DLGAP2: variants seen among roughly 807,000 people sequenced by gnomAD.
DLGAP2 encodes the protein disks large-associated protein 2.
DLGAP2 carries 26 observed loss-of-function variants against 100.3 expected under a neutral mutation model. The ratio of observed to expected loss-of-function variants is 0.26; its 90% CI spans 0.19 to 0.36. The LOEUF (loss-of-function observed/expected upper bound fraction) is 0.36. Ranked by LOEUF, DLGAP2 falls within the 10% of genes least tolerant of loss-of-function variation. DLGAP2 has a pLI of 1.00. For missense variants in DLGAP2, 1,858 were observed against 1,453.2 expected (o/e 1.28, Z -4.53); for synonymous variants, 886 against 630.1 (o/e 1.41, Z -6.08).
chr8:1,542,345 C>G (rs150936232), intron 4 of DLGAP2, among the ~76,000 whole-genome samples: 2 of 152,330 alleles, frequency 1.3e-5, no homozygotes, highest in African/African-American at 4.8e-5. Flanking sequence ...TCGCTCTAAT[C>G]AATTTAAAAC....
At chr8:1,391,374 C>G (rs1008254657) in intron 3 of DLGAP2, among the ~76,000 whole-genome samples, 3 of 152,184 alleles carry the variant, frequency 2.0e-5, no homozygotes, top group Admixed American at 2.0e-4. Flanking sequence ...ATTCAGAGGC[C>G]AGATCGGATC....
At chr8:853,982 C>G (rs972907011) in intron 1 of DLGAP2, among the ~76,000 whole-genome samples, 17 of 151,988 alleles carry the variant, frequency 1.1e-4, no homozygotes, top group African/African-American at 4.1e-4. Context: ...TGAGAGAGCT[C>G]CCTGCACCTC....
intron 2 of DLGAP2, among the ~76,000 whole-genome samples, chr8:1,255,008 T>TGTGTGTGTCCTCTCATCCTGCCC (rs1563043352): frequency 5.9e-5 from 2 of 33,928 alleles, no homozygotes; most frequent in African/African-American, 2.7e-4. Flanking sequence ...TCATCCTGCT[T>TGTGTGTGTCCTCTCATCCTGCCC]GGGCGCTGTG....
At chr8:1,390,023 G>A (rs1270579352) in intron 3 of DLGAP2, among the ~76,000 whole-genome samples, 23 of 152,160 alleles carry the variant, frequency 1.5e-4, no homozygotes, top group Admixed American at 1.5e-3. Context: ...CTGGATGGAT[G>A]TTGCCTGGAA....
chr8:1,261,786 T>C (rs973690154), intron 3 of DLGAP2, among the ~76,000 whole-genome samples: 1 of 152,350 alleles, frequency 6.6e-6, no homozygotes, highest in African/African-American at 2.4e-5. Flanking sequence ...AAGTAATTAG[T>C]CTAAGTGAGA....
At chr8:1,583,633 G>A (rs6993774) in intron 6 of DLGAP2, among the ~76,000 whole-genome samples, 86,815 of 151,946 alleles carry the variant, frequency 0.57, 25,675 homozygotes, top group African/African-American at 0.74. Context: ...AAGCCCAGCA[G>A]TCCTGACGTT....
At chr8:1,174,258 CCATCACCACCATCACCACCAT>C (rs1797201191) in intron 2 of DLGAP2, among the ~76,000 whole-genome samples, 1 of 151,910 alleles carries the variant, frequency 6.6e-6, no homozygotes, top group African/African-American at 2.4e-5. Context: ...ACCCACATAC[CCATCACCACCATCACCACCAT>C]CATCACCACC....
At chr8:1,209,943 A>C (rs796083781) in intron 2 of DLGAP2, among the ~76,000 whole-genome samples, 1 of 152,076 alleles carries the variant, frequency 6.6e-6, no homozygotes, top group East Asian at 1.9e-4. Flanking sequence ...ACCACTTTCA[A>C]CTGGAGAAAT....
chr8:1,258,155 A>T (rs190129827), intron 2 of DLGAP2, among the ~76,000 whole-genome samples: 3 of 152,326 alleles, frequency 2.0e-5, no homozygotes, highest in East Asian at 3.9e-4. Context: ...TTTTCCTGAA[A>T]GATAATACAG....
intron 2 of DLGAP2, among the ~76,000 whole-genome samples, chr8:1,221,288 T>C (rs1798309638): frequency 6.6e-6 from 1 of 152,198 alleles, no homozygotes; most frequent in African/African-American, 2.4e-5. Context: ...CGAAGGCAGG[T>C]CTGGTGCTAA....
intron 2 of DLGAP2, among the ~76,000 whole-genome samples, chr8:1,225,472 G>C (rs1798395156): frequency 6.6e-6 from 1 of 152,168 alleles, no homozygotes; most frequent in South Asian, 2.1e-4. Flanking sequence ...GTTTCCTTTT[G>C]GACTGATGAA....
At chr8:813,265 G>GA (rs573237600) in intron 1 of DLGAP2, among the ~76,000 whole-genome samples, 106 of 144,634 alleles carry the variant, frequency 7.3e-4, no homozygotes, top group African/African-American at 1.7e-3. Flanking sequence ...TTTTCAAAAC[G>GA]AAAAAAAAAC....
chr8:1,204,604 G>A (rs1797950878), intron 2 of DLGAP2, among the ~76,000 whole-genome samples: 1 of 152,194 alleles, frequency 6.6e-6, no homozygotes, highest in Non-Finnish European at 1.5e-5. Flanking sequence ...TTTGAGGCCT[G>A]AAGGACAGGA....
At chr8:1,457,556 C>A (rs777694674) in intron 3 of DLGAP2, among the ~76,000 whole-genome samples, 1 of 152,206 alleles carries the variant, frequency 6.6e-6, no homozygotes, top group Non-Finnish European at 1.5e-5. Flanking sequence ...AACTTTAATT[C>A]TGATAAGACA....
intron 13 of DLGAP2, among the ~76,000 whole-genome samples, chr8:1,695,602 C>G (rs952349971): frequency 6.6e-6 from 1 of 151,892 alleles, no homozygotes; most frequent in African/African-American, 2.4e-5. Context: ...TTGCCCGGCC[C>G]TACAGAAAGA....
intron 6 of DLGAP2, among the ~76,000 whole-genome samples, chr8:1,583,236 C>G (rs1039103077): frequency 1.6e-4 from 24 of 152,214 alleles, no homozygotes; most frequent in African/African-American, 5.8e-4. Flanking sequence ...CAAGCCTCTT[C>G]TCCCTCCCAT....
intron 6 of DLGAP2, among the ~76,000 whole-genome samples, chr8:1,599,362 G>A (rs1287101143): frequency 6.6e-6 from 1 of 152,218 alleles, no homozygotes; most frequent in Non-Finnish European, 1.5e-5. Context: ...GGAGAGTTAT[G>A]TAGATGTCAA....
At chr8:1,521,881 G>A (rs1442599637) in intron 4 of DLGAP2, among the ~76,000 whole-genome samples, 2 of 148,376 alleles carry the variant, frequency 1.3e-5, no homozygotes, top group African/African-American at 5.0e-5. Context: ...TTGCACACTT[G>A]TTTTAATTTG....
intron 8 of DLGAP2, among the ~76,000 whole-genome samples, 157 bp from the exon 9 acceptor site, chr8:1,668,172 T>C (rs1166344008): frequency 6.6e-6 from 1 of 152,238 alleles, no homozygotes; most frequent in African/African-American, 2.4e-5. Context: ...TCATGTGTGC[T>C]GTCTCACTGT....
Sources: gnomAD v4.1 joint callset for allele counts (sites outside exome capture counted in the v4.1 genomes callset) on GRCh38, gnomAD v4.1.1 for gene constraint, MANE v1.5 for transcripts, NCBI Gene and HGNC (gene_info 2026-07-23, HGNC 2026-07-21) for gene names.